The following SORCS3 variants were observed in gnomAD, a reference collection of about 807,000 sequenced individuals.
SORCS3 encodes VPS10 domain-containing receptor SorCS3.
SORCS3 carries 57 observed loss-of-function variants against 146.3 expected under a neutral mutation model. The ratio of observed to expected loss-of-function variants is 0.39; its 90% CI spans 0.31 to 0.49. SORCS3 has a LOEUF of 0.49. Ranked by LOEUF, SORCS3 falls within the 20% of genes least tolerant of loss-of-function variation. The pLI, the probability that SORCS3 is intolerant of heterozygous loss-of-function variation, is 0.92. For synonymous variants in SORCS3, 653 were observed against 618.5 expected (o/e 1.06, Z -0.83); for missense variants, 1,341 against 1,575.5 (o/e 0.85, Z 2.52).
At chr10:105,144,863 T>A (rs1371377825) in intron 8 of SORCS3, among the ~76,000 whole-genome samples, 25 of 152,136 alleles carry the variant, frequency 1.6e-4, no homozygotes, top group Admixed American at 1.6e-3. Context: ...CTAATTATGC[T>A]TTTCTTTTTC....
At chr10:105,096,544 G>A (rs1024284020) in intron 6 of SORCS3, among the ~76,000 whole-genome samples, 10 of 152,104 alleles carry the variant, frequency 6.6e-5, no homozygotes, top group African/African-American at 1.5e-4. Flanking sequence ...TAAAGGCCAC[G>A]GAGATTCTGC....
At chr10:104,646,420 C>A (rs2015496177) in intron 1 of SORCS3, among the ~76,000 whole-genome samples, 1 of 152,146 alleles carries the variant, frequency 6.6e-6, no homozygotes, top group Non-Finnish European at 1.5e-5. Context: ...GCTCAGTGGA[C>A]AGAAGGGAAA....
intron 1 of SORCS3, among the ~76,000 whole-genome samples, chr10:104,692,839 ACT>A (rs1163639207): frequency 2.0e-5 from 3 of 152,118 alleles, no homozygotes; most frequent in African/African-American, 7.2e-5. Context: ...CAGTGAGAAA[ACT>A]CTGTATCTCT....
intron 2 of SORCS3, among the ~76,000 whole-genome samples, chr10:104,874,015 C>T (rs1396483524): frequency 6.6e-6 from 1 of 152,134 alleles, no homozygotes; most frequent in Non-Finnish European, 1.5e-5. Flanking sequence ...AATACAAATA[C>T]GGTTGGACAG....
At chr10:105,192,028 T>C (rs1037756680) in intron 14 of SORCS3, among the ~76,000 whole-genome samples, 2 of 150,960 alleles carry the variant, frequency 1.3e-5, no homozygotes, top group Admixed American at 1.3e-4. Flanking sequence ...AATAAAATGA[T>C]GGTGATGAAA....
chr10:104,723,632 C>G (rs2133447396), intron 1 of SORCS3, among the ~76,000 whole-genome samples: 1 of 152,240 alleles, frequency 6.6e-6, no homozygotes, highest in African/African-American at 2.4e-5. Context: ...TTGTAGGTCT[C>G]TAAGGACTTG....
chr10:104,999,137 G>A (rs1052381681), intron 4 of SORCS3, among the ~76,000 whole-genome samples: 9 of 152,014 alleles, frequency 5.9e-5, no homozygotes, highest in Non-Finnish European at 8.8e-5. Context: ...TTTTAAAACC[G>A]TCCCTTTTTT....
At chr10:104,885,041 A>T (rs1251086286) in intron 2 of SORCS3, among the ~76,000 whole-genome samples, 1 of 152,172 alleles carries the variant, frequency 6.6e-6, no homozygotes, top group East Asian at 1.9e-4. Flanking sequence ...CAGTATTTTA[A>T]CAGAGTTCCT....
intron 1 of SORCS3, among the ~76,000 whole-genome samples, chr10:104,711,971 A>G (rs917819282): frequency 1.3e-5 from 2 of 152,170 alleles, no homozygotes; most frequent in African/African-American, 2.4e-5. Context: ...TGATGTTTCT[A>G]TGGCACCCTT....
intron 2 of SORCS3, among the ~76,000 whole-genome samples, chr10:104,864,980 T>C (rs1158984130): frequency 1.3e-5 from 2 of 152,254 alleles, no homozygotes; most frequent in Admixed American, 6.5e-5. Flanking sequence ...AGAGAGGTGT[T>C]ACCTGGCCAT....
chr10:105,106,000 C>A (rs1307554419), intron 7 of SORCS3, among the ~76,000 whole-genome samples: 1 of 152,126 alleles, frequency 6.6e-6, no homozygotes, highest in Non-Finnish European at 1.5e-5. Context: ...ACTCCCAGAA[C>A]TGAGTCTTAG....
At chr10:104,665,531 C>T (rs1164051093) in intron 1 of SORCS3, 1 of 152,184 alleles carries the variant, frequency 6.6e-6, no homozygotes, top group Non-Finnish European at 1.5e-5. Flanking sequence ...ATTGCCCTGA[C>T]CAAGCCTTTC....
chr10:104,687,954 G>A (rs900623851), intron 1 of SORCS3, among the ~76,000 whole-genome samples: 8 of 152,202 alleles, frequency 5.3e-5, no homozygotes, highest in Non-Finnish European at 8.8e-5. Flanking sequence ...AGAATTTAGT[G>A]ATCATCATCA....
intron 1 of SORCS3, among the ~76,000 whole-genome samples, chr10:104,774,856 C>T (rs555661857): frequency 6.6e-6 from 1 of 152,292 alleles, no homozygotes; most frequent in South Asian, 2.1e-4. Flanking sequence ...CAGAGTCCCT[C>T]TCAGCACTGA....
chr10:105,164,640 C>T (rs1413044712), intron 12 of SORCS3, among the ~76,000 whole-genome samples: 1 of 152,132 alleles, frequency 6.6e-6, no homozygotes, highest in Non-Finnish European at 1.5e-5. Context: ...TGTAACAGGT[C>T]CAGATGCTAA....
intron 1 of SORCS3, among the ~76,000 whole-genome samples, chr10:104,718,321 A>G (rs1353407019): frequency 6.6e-6 from 1 of 152,120 alleles, no homozygotes; most frequent in Non-Finnish European, 1.5e-5. Flanking sequence ...AGAGAGCAAG[A>G]GAGGGCGAAA....
Position 104,795,927 on chromosome 10 carries a change from T to A in SORCS3, c.628-46865T>A, listed in dbSNP as rs533809860. On this transcript the variant is annotated intron_variant, in intron 1 of 26. Coordinates refer to ENST00000369701, the MANE Select transcript of SORCS3 (RefSeq NM_014978.3). ...TGGCTTTCTGATCTAAAACTCTAGT[T>A]ACCAACTTTAGCCTTCTCCATACTG... is the stretch of plus-strand genomic sequence containing the variant. Among the ~76,000 whole-genome samples, 88 of 152,330 alleles carry A rather than the reference T, an allele frequency of 5.8e-4. 1 individual carries two copies. The highest frequency in any genetic ancestry group is 1.1e-3 in the Non-Finnish European group (73 of 68,022).
intron 1 of SORCS3, among the ~76,000 whole-genome samples, chr10:104,721,938 C>T (rs1388854053): frequency 6.6e-6 from 1 of 152,206 alleles, no homozygotes; most frequent in Non-Finnish European, 1.5e-5. Flanking sequence ...AACAATTTGA[C>T]TTCCTCTTTT....
chr10:105,004,598 C>CT (rs780967905), intron 4 of SORCS3, among the ~76,000 whole-genome samples: 28 of 152,204 alleles, frequency 1.8e-4, no homozygotes, highest in Non-Finnish European at 3.1e-4. Context: ...CAGATCCCTG[C>CT]TGTTTGTTTT....
Sources: allele counts gnomAD v4.1 joint callset (sites outside exome capture counted in the v4.1 genomes callset), GRCh38; gene constraint gnomAD v4.1.1; transcripts MANE v1.5; gene names NCBI Gene and HGNC (gene_info 2026-07-23, HGNC 2026-07-21).